Variants in LRTM2 observed in about 807,000 individuals in gnomAD.
LRTM2 encodes the protein leucine-rich repeat and transmembrane domain-containing protein 2.
In LRTM2, 18 loss-of-function variants were observed where a neutral mutation model predicts 28.1. The observed-to-expected ratio is 0.64, with a 90% CI of 0.44 to 0.95. LRTM2 has a LOEUF of 0.95. Among genes scored for constraint, LRTM2 ranks in the 40% least tolerant of loss-of-function variants. LRTM2 has a pLI of 0.00. For missense variants in LRTM2, 436 were observed against 497.2 expected, an observed-to-expected ratio of 0.88 and a Z score of 1.17; for synonymous variants, 250 against 218.7, an observed-to-expected ratio of 1.14 and a Z score of -1.26.
At chr12:1,822,958 C>A (rs1217662353) in intron 1 of LRTM2, among the ~76,000 whole-genome samples, 1 of 152,214 alleles carries the variant, frequency 6.6e-6, no homozygotes. Flanking sequence ...ACGGCCCCTG[C>A]AGGCCCAGGG....
Position 1,834,421 on chromosome 12 carries a change from G to C in LRTM2, c.813G>C (p.Lys271Asn), listed in dbSNP as rs771449767. ...ATATTCCTGGGCCACCCTGCACCAA[G>C]GCCAGTCCAGAGCCTGCTAAGCCCA... is the stretch of plus-strand genomic sequence containing the variant. ...GLDIPGPPCT[K>N]ASPEPAKPKP... The change falls in exon 5 of 5, where the codon AAG becomes AAC. Residue 271 changes from lysine to asparagine, a missense_variant. Coordinates refer to ENST00000299194, the MANE Select transcript of LRTM2 (RefSeq NM_001039029.3). The surrounding 1 kb of genome is among the most constrained non-coding windows in gnomAD (Gnocchi z 7.6). 6 of 1,612,978 alleles carry C rather than the reference G, an allele frequency of 3.7e-6. No individual in the cohort carries two copies. Among genetic ancestry groups the C allele is most frequent in the Non-Finnish European group, 5.1e-6 (6 of 1,180,018 alleles).
intron 1 of LRTM2, chr12:1,821,936 A>C (rs1157208577): frequency 1.3e-5 from 2 of 151,944 alleles, no homozygotes; most frequent in Non-Finnish European, 2.9e-5. Flanking sequence ...CCTGCAGCTT[A>C]GATAACTGCC....
intron 1 of LRTM2, among the ~76,000 whole-genome samples, chr12:1,824,819 G>T (rs1864249411): frequency 6.6e-6 from 1 of 152,176 alleles, no homozygotes; most frequent in Non-Finnish European, 1.5e-5. Context: ...GAACTAGGGA[G>T]TGCTGGCTGC....
chr12:1,830,785 T>A (rs1246858969), intron 3 of LRTM2, 150 bp from the exon 4 acceptor site: 5 of 657,932 alleles, frequency 7.6e-6, no homozygotes, highest in Non-Finnish European at 1.3e-5. Context: ...TATGCTTTTA[T>A]GTGGTTAATA....
chr12:1,831,846 T>A (rs184030297), intron 4 of LRTM2, among the ~76,000 whole-genome samples: 24 of 146,836 alleles, frequency 1.6e-4, no homozygotes, highest in Admixed American at 5.5e-4. Flanking sequence ...TTAGGTTACA[T>A]AAGGGCAGTA....
At chr12:1,821,477 G>A (rs539232844) in intron 1 of LRTM2, among the ~76,000 whole-genome samples, 60 of 152,298 alleles carry the variant, frequency 3.9e-4, no homozygotes, top group African/African-American at 1.3e-3. Flanking sequence ...GAGAAGTATC[G>A]CAGCCCTTCC....
intron 1 of LRTM2, among the ~76,000 whole-genome samples, chr12:1,824,243 T>C (rs1367200370): frequency 6.6e-6 from 1 of 152,166 alleles, no homozygotes; most frequent in Non-Finnish European, 1.5e-5. Context: ...CAAACTCAAA[T>C]ATGCATGAAA....
Position 1,826,411 on chromosome 12 carries a change from C to CGT in LRTM2, c.-258-999_-258-998insGT, listed in dbSNP as rs1555177866. ...GATTTGAACCCAGAGCCCCCCCCCC[C>CGT]CCCCCGCCAACTGGCACCAGGAGCC... On this transcript the variant is annotated intron_variant, in intron 1 of 4. Coordinates refer to ENST00000299194, the MANE Select transcript of LRTM2 (RefSeq NM_001039029.3). 4.7e-4 allele frequency among the ~76,000 whole-genome samples: 48 copies of CGT among 102,684 alleles called. 2 individuals are homozygous for CGT. The highest frequency in any genetic ancestry group is 2.0e-3 in the African/African-American group (45 of 22,814). 67.4% of individuals were successfully genotyped at this position (102,684 alleles called of 152,430 possible).
chr12:1,822,788 G>T (rs1003555165), intron 1 of LRTM2, among the ~76,000 whole-genome samples: 1 of 152,178 alleles, frequency 6.6e-6, no homozygotes, highest in Non-Finnish European at 1.5e-5. Flanking sequence ...AGAGGGCCTG[G>T]GTGCCCAGAC....
Position 1,831,098 on chromosome 12 carries a change from C to T in LRTM2, c.231C>T (p.Asn77=), listed in dbSNP as rs769371993. The T allele has an allele frequency of 6.2e-7, 1 of 1,614,024 alleles. No individual in the cohort carries two copies. The highest frequency in any genetic ancestry group is 1.1e-5 in the South Asian group (1 of 91,086). Residue 77 remains asparagine, a synonymous_variant, in exon 4 of 5, where the codon AAC becomes AAT. Coordinates refer to ENST00000299194, the MANE Select transcript of LRTM2 (RefSeq NM_001039029.3). ...PAATRTLLLL[N]NKLSALPSWA... is the part of the protein sequence containing the mutation. ...CCACCCGAACCCTCTTGCTCTTGAA[C>T]AATAAGCTGAGTGCCCTGCCAAGCT...
intron 1 of LRTM2, among the ~76,000 whole-genome samples, chr12:1,826,640 C>T (rs575215618): frequency 5.3e-5 from 8 of 152,336 alleles, no homozygotes; most frequent in Middle Eastern, 3.4e-3. Flanking sequence ...ACCCTCGCTG[C>T]GTGGGGGAAG....
intron 3 of LRTM2, among the ~76,000 whole-genome samples, chr12:1,830,362 C>T (rs1864567422): frequency 6.6e-6 from 1 of 152,206 alleles, no homozygotes; most frequent in African/African-American, 2.4e-5. Context: ...CCGTGAAGGA[C>T]AGGGCTAGGA....
chr12:1,826,636 G>T (rs1673099005), intron 1 of LRTM2, among the ~76,000 whole-genome samples: 1 of 152,206 alleles, frequency 6.6e-6, no homozygotes, highest in African/African-American at 2.4e-5. Context: ...TGGCACCCTC[G>T]CTGCGTGGGG....
chr12:1,830,039 G>C (rs551448108), intron 3 of LRTM2, among the ~76,000 whole-genome samples: 7 of 152,200 alleles, frequency 4.6e-5, no homozygotes, highest in Non-Finnish European at 1.0e-4. Flanking sequence ...TGCTCGCTAC[G>C]CAGAAGGGTC....
rs767271468 is a variant in LRTM2, at chr12:1,831,318, G to A, written c.451G>A (p.Gly151Ser). The change falls in exon 4 of 5, where the codon GGC becomes AGC. Residue 151 changes from glycine to serine, a missense_variant. Transcript: ENST00000299194. ...LLRHLDLSIN[G>S]LAQLPPGLFD... is the part of the protein sequence containing the mutation. ...CCGCCACCTGGACCTGTCCATCAACGGCCTGGCCCAGTTGCCCCCTGGTCT... is the reference window on the plus strand; with the variant it reads ...CCGCCACCTGGACCTGTCCATCAACAGCCTGGCCCAGTTGCCCCCTGGTCT... 17 of 1,613,638 alleles carry A rather than the reference G, an allele frequency of 1.1e-5. No homozygotes were observed. The Middle Eastern group carries it at 4.9e-4, about 47-fold the overall frequency.
At chr12:1,826,432 G>A (rs548672039) in intron 1 of LRTM2, among the ~76,000 whole-genome samples, 84 of 100,894 alleles carry the variant, frequency 8.3e-4, no homozygotes, top group African/African-American at 3.1e-3. Context: ...CTGGCACCAG[G>A]AGCCCACTGG....
chr12:1,828,253 G>A lies in LRTM2; in HGVS notation c.67+38G>A, dbSNP rs997566690. 9 of 1,511,268 alleles carry A rather than the reference G, an allele frequency of 6.0e-6. No individual in the cohort carries two copies. The highest frequency in any genetic ancestry group is 2.1e-5 in the Admixed American group (1 of 47,194). 93.6% of individuals were successfully genotyped at this position (1,511,268 alleles called of 1,614,324 possible). ...CTGGCCTCGGAGGGGGGTGCGGGTT[G>A]GGTGGGGGTGCCGAGGTGACTGTAG... On this transcript the variant is annotated intron_variant, in intron 3 of 4. Coordinates refer to ENST00000299194, the MANE Select transcript of LRTM2 (RefSeq NM_001039029.3). This position sits in a 1 kb window ranked among gnomAD's most constrained non-coding sequence, Gnocchi z 4.2.
rs936069332 is a variant in LRTM2 at position 1,828,990 on chromosome 12, C to T, written c.67+775C>T. On this transcript the variant is annotated intron_variant, in intron 3 of 4. Coordinates refer to ENST00000299194, the MANE Select transcript of LRTM2 (RefSeq NM_001039029.3). The surrounding 1 kb of genome is among the most constrained non-coding windows in gnomAD (Gnocchi z 4.2). ...CGGGACGGCATTCCGCCTGACTTCC[C>T]GCTCTGATCCAGCACCCAACACGGG... 5.9e-5 allele frequency among the ~76,000 whole-genome samples: 9 copies of T among 152,234 alleles called. No homozygotes were observed. The highest frequency in any genetic ancestry group is 3.3e-4 in the Admixed American group (5 of 15,288).
rs187732318 is a variant in LRTM2 at position 1,828,964 on chromosome 12, G to A, written c.67+749G>A. ...ACGGTGGCAGGGAGGAAACGGTCCCGCGGGACGGCATTCCGCCTGACTTCC... is the reference window on the plus strand; with the variant it reads ...ACGGTGGCAGGGAGGAAACGGTCCCACGGGACGGCATTCCGCCTGACTTCC... On this transcript the variant is annotated intron_variant, in intron 3 of 4. Coordinates refer to ENST00000299194, the MANE Select transcript of LRTM2 (RefSeq NM_001039029.3). This position sits in a 1 kb window ranked among gnomAD's most constrained non-coding sequence, Gnocchi z 4.2. 1.1e-3 allele frequency among the ~76,000 whole-genome samples: 164 copies of A among 152,302 alleles called. No homozygotes were observed. The highest frequency in any genetic ancestry group is 3.6e-3 in the African/African-American group (151 of 41,566).
Sources: gnomAD v4.1 joint callset for allele counts (sites outside exome capture counted in the v4.1 genomes callset) on GRCh38, gnomAD v4.1.1 for gene constraint, Gnocchi (gnomAD v3.1) non-coding constraint, MANE v1.5 for transcripts, NCBI Gene and HGNC (gene_info 2026-07-23, HGNC 2026-07-21) for gene names.